The following CRTAC1 variants were observed in gnomAD, a reference collection of about 807,000 sequenced individuals.
The protein encoded by CRTAC1 is cartilage acidic protein 1.
CRTAC1 carries 37 observed loss-of-function variants against 67.8 expected under a neutral mutation model. That is an observed-to-expected ratio of 0.55 (90% CI 0.42 to 0.72). The LOEUF (loss-of-function observed/expected upper bound fraction) is 0.72, where lower values mean the gene tolerates loss of function less well. CRTAC1 is among the 30% of genes least tolerant of loss of function. The probability of loss-of-function intolerance (pLI) is 0.00; values close to 1 mark genes in which losing one functional copy is unlikely to be tolerated. For synonymous variants in CRTAC1, 348 were observed against 371.0 expected (o/e 0.94, Z 0.71); for missense variants, 780 against 931.6 (o/e 0.84, Z 2.12).
intron 14 of CRTAC1, among the ~76,000 whole-genome samples, chr10:97,872,788 T>C (rs1020059218): frequency 4.6e-5 from 7 of 152,150 alleles, no homozygotes; most frequent in Non-Finnish European, 7.3e-5. Context: ...GGCTCCCCAG[T>C]GCAGATCTAA....
rs1843353625 is a variant in CRTAC1 at position 98,030,531 on chromosome 10, C to G, written c.-59G>C. 1.7e-6 allele frequency: 2 copies of G among 1,185,842 alleles called. No individual in the cohort carries two copies. The highest frequency in any genetic ancestry group is 2.1e-6 in the Non-Finnish European group (2 of 938,258). The allele number at this position is 1,185,842 out of a possible 1,614,324, so 73.5% of individuals were successfully genotyped here. A position where few individuals can be genotyped will look rare whatever the true frequency, so the allele number is the denominator to read the frequency against. ...GGGAAGCGGGCGCTCGCTGCCGCCTCTGCCGCCGGCGCCGCCGCCTGCTTG... is the reference window on the plus strand; with the variant it reads ...GGGAAGCGGGCGCTCGCTGCCGCCTGTGCCGCCGGCGCCGCCGCCTGCTTG... On this transcript the variant is annotated 5_prime_UTR_variant, in exon 1 of 15. Coordinates refer to ENST00000370597, the MANE Select transcript of CRTAC1 (RefSeq NM_018058.7). The surrounding 1 kb of genome is among the most constrained non-coding windows in gnomAD (Gnocchi z 4.2).
intron 9 of CRTAC1, among the ~76,000 whole-genome samples, chr10:97,896,661 C>T (rs910454602): frequency 6.6e-6 from 1 of 152,178 alleles, no homozygotes; most frequent in African/African-American, 2.4e-5. Context: ...CACAGATTCC[C>T]ATTCCCCCAC....
At chr10:98,010,562 T>G in intron 2 of CRTAC1, among the ~76,000 whole-genome samples, 1 of 152,146 alleles carries the variant, frequency 6.6e-6, no homozygotes, top group East Asian at 1.9e-4. Flanking sequence ...GTCTTATGCT[T>G]TTTTTGCAAC....
chr10:97,900,189 C>T (rs2050513134), intron 8 of CRTAC1, among the ~76,000 whole-genome samples: 1 of 152,190 alleles, frequency 6.6e-6, no homozygotes, highest in African/African-American at 2.4e-5. Context: ...TCCCTAGACA[C>T]ACTGCTCAGA....
At chr10:97,901,427 C>T in intron 8 of CRTAC1, 76 bp downstream of exon 8, 1 of 1,592,142 alleles carries the variant, frequency 6.3e-7, no homozygotes, top group Non-Finnish European at 8.6e-7. Context: ...CCTTCTGATT[C>T]TTAAACCTTC....
chr10:97,932,156 T>C (rs531944856), intron 3 of CRTAC1, among the ~76,000 whole-genome samples: 142 of 152,226 alleles, frequency 9.3e-4, no homozygotes, highest in Non-Finnish European at 1.7e-3. Context: ...AATGCGGTCC[T>C]TTTCTCTTTG....
chr10:97,923,067 TG>T (rs1378223835), intron 4 of CRTAC1, among the ~76,000 whole-genome samples, 196 bp downstream of exon 4: 1 of 152,172 alleles, frequency 6.6e-6, no homozygotes, highest in Admixed American at 6.5e-5. Context: ...CACTGGTTTC[TG>T]GGAGGGCTGC....
At position 97,901,608 on chromosome 10, in the gene CRTAC1, G is replaced by T; in HGVS notation, c.1028C>A (p.Ser343Tyr). ...GGCGGTGATGACCGTGCGGACAGGGGAGGGCATGGAGAACTTGGGTGAGGC... is the reference window on the plus strand; with the variant it reads ...GGCGGTGATGACCGTGCGGACAGGGTAGGGCATGGAGAACTTGGGTGAGGC... ...DIASPKFSMP[S>Y]PVRTVITADF... Residue 343 changes from serine to tyrosine, a missense_variant, in exon 8 of 15, where the codon TCC becomes TAC. By Grantham distance (144) the Ser-to-Tyr change is moderately radical. Transcript: ENST00000370597. The T allele has an allele frequency of 6.2e-7, 1 of 1,614,198 alleles. No individual in the cohort carries two copies. The highest frequency in any genetic ancestry group is 1.3e-5 in the African/African-American group (1 of 75,058).
chr10:97,913,342 C>T (rs2050716505), intron 5 of CRTAC1, among the ~76,000 whole-genome samples: 1 of 152,106 alleles, frequency 6.6e-6, no homozygotes, highest in Non-Finnish European at 1.5e-5. Context: ...GGATACACCC[C>T]CGCTCATCCT....
At chr10:97,910,736 G>A (rs377560514) in intron 5 of CRTAC1, among the ~76,000 whole-genome samples, 6 of 152,066 alleles carry the variant, frequency 3.9e-5, no homozygotes, top group South Asian at 4.1e-4. Flanking sequence ...GGCCTTTTTC[G>A]CCTATGCAAA....
At chr10:97,987,358 C>T (rs1212771072) in intron 2 of CRTAC1, among the ~76,000 whole-genome samples, 1 of 152,166 alleles carries the variant, frequency 6.6e-6, no homozygotes, top group Non-Finnish European at 1.5e-5. Flanking sequence ...TCTAGGCCTC[C>T]CTTCCTTTAA....
At chr10:97,887,692 C>T (rs1386572914) in intron 11 of CRTAC1, among the ~76,000 whole-genome samples, 2 of 152,270 alleles carry the variant, frequency 1.3e-5, no homozygotes, top group African/African-American at 4.8e-5. Context: ...TGGGCATCCT[C>T]TCTGGGCCTC....
At chr10:97,982,869 A>C (rs1045080185) in intron 2 of CRTAC1, among the ~76,000 whole-genome samples, 2 of 152,224 alleles carry the variant, frequency 1.3e-5, no homozygotes, top group African/African-American at 4.8e-5. Flanking sequence ...TGCCTATGGA[A>C]AGATTTTCAA....
At chr10:97,903,799 T>C (rs1426910705) in intron 7 of CRTAC1, among the ~76,000 whole-genome samples, 1 of 152,032 alleles carries the variant, frequency 6.6e-6, no homozygotes, top group Non-Finnish European at 1.5e-5. Flanking sequence ...TCACTGTCAC[T>C]AACAGCCCTT....
At chr10:97,987,454 T>A (rs75069675) in intron 2 of CRTAC1, among the ~76,000 whole-genome samples, 62 of 152,312 alleles carry the variant, frequency 4.1e-4, no homozygotes, top group African/African-American at 1.4e-3. Context: ...TCAAAAGGAC[T>A]AAAATTGAGG....
chr10:97,968,113 A>G (rs1257347598), intron 2 of CRTAC1, among the ~76,000 whole-genome samples: 1 of 152,258 alleles, frequency 6.6e-6, no homozygotes, highest in African/African-American at 2.4e-5. Context: ...CACAGATGAC[A>G]GAGCCAGAAT....
At chr10:97,878,685 T>C (rs957048937) in intron 14 of CRTAC1, 83 of 1,303,878 alleles carry the variant, frequency 6.4e-5, no homozygotes, top group Non-Finnish European at 7.7e-5. Context: ...GTAGCAAGGT[T>C]CTTTCTAGAA....
intron 2 of CRTAC1, among the ~76,000 whole-genome samples, chr10:97,950,245 A>AGAGAGG (rs1189349668): frequency 5.5e-5 from 6 of 109,600 alleles, no homozygotes; most frequent in African/African-American, 2.8e-4. Flanking sequence ...ACACACACAC[A>AGAGAGG]CAGAGAGAGA....
chr10:97,938,825 C>A (rs2051129013), intron 2 of CRTAC1, among the ~76,000 whole-genome samples: 1 of 152,154 alleles, frequency 6.6e-6, no homozygotes, highest in African/African-American at 2.4e-5. Context: ...CTGTGAAATG[C>A]AAGAGTTGGA....
Sources: gnomAD v4.1 joint callset for allele counts (sites outside exome capture counted in the v4.1 genomes callset) on GRCh38, gnomAD v4.1.1 for gene constraint, Gnocchi (gnomAD v3.1) non-coding constraint, MANE v1.5 for transcripts, NCBI Gene and HGNC (gene_info 2026-07-23, HGNC 2026-07-21) for gene names.